The following HECW1 variants were observed in gnomAD, a reference collection of about 807,000 sequenced individuals.
HECW1 encodes the protein E3 ubiquitin-protein ligase HECW1.
A neutral mutation model predicts 182.3 loss-of-function variants in HECW1; 61 were observed. The observed-to-expected ratio is 0.33, with a 90% CI of 0.27 to 0.41. The LOEUF (loss-of-function observed/expected upper bound fraction) is 0.41. Among genes scored for constraint, HECW1 ranks in the 10% least tolerant of loss-of-function variants. HECW1 has a pLI of 1.00. For synonymous variants in HECW1, 859 were observed against 832.6 expected (o/e 1.03, Z -0.55); for missense variants, 1,739 against 2,108.9 (o/e 0.82, Z 3.44).
At chr7:43,237,412 C>T (rs1798477976) in intron 2 of HECW1, among the ~76,000 whole-genome samples, 1 of 152,148 alleles carries the variant, frequency 6.6e-6, no homozygotes, top group Non-Finnish European at 1.5e-5. Context: ...AGGGCAGGGA[C>T]CACACTAATC....
chr7:43,229,167 C>T (rs1797676003), intron 2 of HECW1, among the ~76,000 whole-genome samples: 1 of 152,180 alleles, frequency 6.6e-6, no homozygotes, highest in African/African-American at 2.4e-5. Flanking sequence ...GTGTTGAGCT[C>T]TCTCCTCCTT....
At chr7:43,177,035 G>A (rs973165113) in intron 2 of HECW1, among the ~76,000 whole-genome samples, 1 of 152,142 alleles carries the variant, frequency 6.6e-6, no homozygotes, top group Admixed American at 6.5e-5. Context: ...TGACATTATA[G>A]TTTGAGAACT....
At chr7:43,167,611 G>T (rs1015783906) in intron 2 of HECW1, among the ~76,000 whole-genome samples, 3 of 152,152 alleles carry the variant, frequency 2.0e-5, no homozygotes, top group Non-Finnish European at 4.4e-5. Flanking sequence ...CAGGTTTCAA[G>T]AAATGTGTGT....
Position 43,243,501 on chromosome 7 carries a change from T to C in HECW1, c.-31-374T>C, listed in dbSNP as rs1050023913. On this transcript the variant is annotated intron_variant, in intron 2 of 29. Transcript: ENST00000395891. This position sits in a 1 kb window ranked among gnomAD's most constrained non-coding sequence, Gnocchi z 4.0. ...GAGGGAGCTTCAGGAGTGGATCATATGTGAGGATGCTTTTCGCTGGCCTTC... is the reference window on the plus strand; with the variant it reads ...GAGGGAGCTTCAGGAGTGGATCATACGTGAGGATGCTTTTCGCTGGCCTTC... Among the ~76,000 whole-genome samples, 3 of 152,118 alleles carry C rather than the reference T, an allele frequency of 2.0e-5. No homozygotes were observed. The highest frequency in any genetic ancestry group is 2.9e-5 in the Non-Finnish European group (2 of 68,010).
chr7:43,259,967 G>A (rs1800996814), intron 3 of HECW1, among the ~76,000 whole-genome samples: 1 of 152,152 alleles, frequency 6.6e-6, no homozygotes, highest in Non-Finnish European at 1.5e-5. Flanking sequence ...AAGAATCTCA[G>A]TGAATTCTAA....
intron 16 of HECW1, 30 bp from the exon 17 acceptor site, chr7:43,479,580 C>T (rs761765961): frequency 1.9e-5 from 31 of 1,613,406 alleles, no homozygotes; most frequent in Admixed American, 1.2e-4. Context: ...TCACACCACA[C>T]GGTGCTTTTT....
chr7:43,417,211 C>T (rs2076040595), intron 8 of HECW1, among the ~76,000 whole-genome samples: 2 of 152,132 alleles, frequency 1.3e-5, no homozygotes, highest in Admixed American at 6.6e-5. Flanking sequence ...CCACCACGCC[C>T]AGCTAATTTT....
intron 16 of HECW1, among the ~76,000 whole-genome samples, chr7:43,473,306 T>G (rs2078094473): frequency 6.6e-6 from 1 of 152,212 alleles, no homozygotes; most frequent in African/African-American, 2.4e-5. Context: ...AAACCTTTTT[T>G]CTTTAGAAAT....
At chr7:43,475,323 G>C (rs996104761) in intron 16 of HECW1, among the ~76,000 whole-genome samples, 1 of 152,154 alleles carries the variant, frequency 6.6e-6, no homozygotes, top group East Asian at 1.9e-4. Context: ...AAGCACAATT[G>C]TAAGAACAAA....
intron 15 of HECW1, among the ~76,000 whole-genome samples, chr7:43,468,604 C>T (rs1027165026): frequency 6.6e-6 from 1 of 152,098 alleles, no homozygotes; most frequent in Admixed American, 6.5e-5. Flanking sequence ...TCACTGCAGC[C>T]TCTATTCTCA....
intron 2 of HECW1, among the ~76,000 whole-genome samples, chr7:43,218,771 T>C (rs1307322946): frequency 1.3e-5 from 2 of 152,090 alleles, no homozygotes; most frequent in African/African-American, 4.8e-5. Flanking sequence ...GGAAGGTGTA[T>C]AGAGAAAGTG....
At chr7:43,483,547 C>CTTTTTT (rs549214390) in intron 17 of HECW1, among the ~76,000 whole-genome samples, 19,218 of 118,212 alleles carry the variant, frequency 0.16, 2,284 homozygotes, top group South Asian at 0.26. Context: ...CATGCAAACT[C>CTTTTTT]TTTTTTTTTT....
Position 43,184,807 on chromosome 7 carries a change from C to T in HECW1, c.-31-59068C>T, listed in dbSNP as rs574328611. 3.3e-5 allele frequency among the ~76,000 whole-genome samples: 5 copies of T among 152,214 alleles called. No homozygotes were observed. In the East Asian group the frequency reaches 9.7e-4, roughly 29 times the overall value. The stretch of plus-strand genomic sequence containing the variant: ...GGCTGTTCAGGAAACACGATGCTGG[C>T]ATCTGCTTGGGGAGGCCTCAGAAAA... On this transcript the variant is annotated intron_variant, in intron 2 of 29. Transcript: ENST00000395891.
intron 2 of HECW1, among the ~76,000 whole-genome samples, chr7:43,147,091 A>T (rs1436905733): frequency 6.6e-6 from 1 of 152,232 alleles, no homozygotes; most frequent in African/African-American, 2.4e-5. Flanking sequence ...GTTGTGAAAG[A>T]CTATTAAAGT....
At chr7:43,407,909 A>G (rs2075665497) in intron 8 of HECW1, among the ~76,000 whole-genome samples, 178 bp downstream of exon 8, 1 of 152,164 alleles carries the variant, frequency 6.6e-6, no homozygotes, top group African/African-American at 2.4e-5. Flanking sequence ...ATCTTGATCA[A>G]GTCCATCCGG....
chr7:43,312,710 A>G (rs1006852852), intron 4 of HECW1, among the ~76,000 whole-genome samples: 7 of 152,268 alleles, frequency 4.6e-5, no homozygotes, highest in African/African-American at 1.2e-4. Flanking sequence ...TATGCAAATA[A>G]GTTGGATGCT....
intron 3 of HECW1, among the ~76,000 whole-genome samples, chr7:43,285,921 C>A (rs1804581973): frequency 6.6e-6 from 1 of 152,180 alleles, no homozygotes; most frequent in African/African-American, 2.4e-5. Flanking sequence ...ATAGATTATA[C>A]TGAAAGTACT....
intron 2 of HECW1, among the ~76,000 whole-genome samples, chr7:43,192,148 G>A (rs967650136): frequency 6.6e-6 from 1 of 151,964 alleles, no homozygotes; most frequent in Non-Finnish European, 1.5e-5. Flanking sequence ...TTGTAGAGAT[G>A]GGGTTTCACC....
At chr7:43,284,439 A>G (rs1360632566) in intron 3 of HECW1, among the ~76,000 whole-genome samples, 1 of 149,470 alleles carries the variant, frequency 6.7e-6, no homozygotes, top group Non-Finnish European at 1.5e-5. Context: ...GGCCAAGACC[A>G]GCAGATGGCT....
Sources: allele counts gnomAD v4.1 joint callset (sites outside exome capture counted in the v4.1 genomes callset), GRCh38; gene constraint gnomAD v4.1.1; non-coding constraint Gnocchi (gnomAD v3.1); transcripts MANE v1.5; gene names NCBI Gene and HGNC (gene_info 2026-07-23, HGNC 2026-07-21).